Variants in ABCA7 observed in about 807,000 individuals in gnomAD.
The protein encoded by ABCA7 is phospholipid-transporting ATPase ABCA7.
In ABCA7, 261 loss-of-function variants were observed where a neutral mutation model predicts 227.6. The observed-to-expected ratio is 1.15, with a 90% CI of 1.04 to 1.27. The LOEUF is 1.27. ABCA7 is among the 50% of genes most tolerant of loss of function. The pLI, the probability that ABCA7 is intolerant of heterozygous loss-of-function variation, is 0.00. For synonymous variants in ABCA7, 1,488 were observed against 1,279.7 expected (o/e 1.16, Z -3.47); for missense variants, 3,331 against 2,924.5 (o/e 1.14, Z -3.21).
intron 21 of ABCA7, 126 bp from the exon 22 acceptor site, chr19:1,051,816 G>A: frequency 3.7e-6 from 5 of 1,334,678 alleles, no homozygotes; most frequent in Non-Finnish European, 5.1e-6. Flanking sequence ...AGGAGGTTCT[G>A]GGGATGAGGT....
In ABCA7 at chr19:1,041,324, T is replaced by C. The variant is rs2040010486; in HGVS notation, c.-38T>C. The C allele has an allele frequency of 1.9e-6, 3 of 1,610,888 alleles. No homozygotes were observed. Among genetic ancestry groups the C allele is most frequent in the Admixed American group, 1.7e-5 (1 of 59,996 alleles). On this transcript the variant is annotated 5_prime_UTR_variant, in exon 2 of 47. Coordinates refer to ENST00000263094, the MANE Select transcript of ABCA7 (RefSeq NM_019112.4). ...CCGCACGTCTTCAGCCCGACCGTTG[T>C]CCTGACCTCTCTGTCCCGTCCCCTG... is the stretch of plus-strand genomic sequence containing the variant.
chr19:1,055,831 CTG>C (rs2042203331), intron 30 of ABCA7, 74 bp from the exon 31 acceptor site: 3 of 1,428,692 alleles, frequency 2.1e-6, no homozygotes, highest in East Asian at 2.4e-5. Flanking sequence ...ACCCTTGACT[CTG>C]TGCTCCCCTC....
chr19:1,062,991 C>T (rs1398767622), intron 42 of ABCA7, among the ~76,000 whole-genome samples: 3 of 119,530 alleles, frequency 2.5e-5, no homozygotes, highest in Non-Finnish European at 5.4e-5. Context: ...ACCATGGCCC[C>T]GCCCCATACT....
Position 1,054,154 on chromosome 19 carries a change from C to A in ABCA7, c.3578-39C>A, listed in dbSNP as rs1340823555. ...CCCTGGGGTCCTCCCAGCCACCCCC[C>A]CACAGCAGCGTGAGCACTGACCCTC... On this transcript the variant is annotated intron_variant, in intron 26 of 46. Coordinates refer to ENST00000263094, the MANE Select transcript of ABCA7 (RefSeq NM_019112.4). The surrounding 1 kb of genome is among the most constrained non-coding windows in gnomAD (Gnocchi z 4.8). The A allele has an allele frequency of 3.7e-6, 6 of 1,612,322 alleles. No individual in the cohort carries two copies. Among genetic ancestry groups the A allele is most frequent in the East Asian group, 2.2e-5 (1 of 44,854 alleles).
At chr19:1,063,936 G>T in intron 44 of ABCA7, 73 bp downstream of exon 44, 1 of 1,455,550 alleles carries the variant, frequency 6.9e-7, no homozygotes, top group Non-Finnish European at 9.1e-7. Flanking sequence ...CAAAGCACAA[G>T]GCCACAGGGG....
intron 3 of ABCA7, 87 bp from the exon 4 acceptor site, chr19:1,041,744 G>A: frequency 6.3e-7 from 1 of 1,586,238 alleles, no homozygotes; most frequent in Non-Finnish European, 8.5e-7. Context: ...CTCCATCGCT[G>A]GAGGCATGCA....
Position 1,043,065 on chromosome 19 carries a change from G to C in ABCA7, c.604G>C (p.Glu202Gln), listed in dbSNP as rs775743568. The C allele has an allele frequency of 6.2e-7, 1 of 1,608,094 alleles. No homozygotes were observed. Among genetic ancestry groups the C allele is most frequent in the Non-Finnish European group, 8.5e-7 (1 of 1,176,318 alleles). The change falls in exon 8 of 47, where the codon GAG (glutamate) becomes CAG (glutamine). Residue 202 changes from glutamate to glutamine, a missense_variant. Physicochemically the swap from Glu to Gln is conservative, Grantham distance 29. Coordinates refer to ENST00000263094, the MANE Select transcript of ABCA7 (RefSeq NM_019112.4). ...QELLALRSLV[E>Q]LRALLQRPRG... ...GCTCCTGGCGCTGCGCAGCCTGGTG[G>C]AGCTTCGGGCACTGCTGCAGAGACC...
At chr19:1,044,901 A>T in intron 11 of ABCA7, 101 bp from the exon 12 acceptor site, 1 of 1,514,992 alleles carries the variant, frequency 6.6e-7, no homozygotes, top group Non-Finnish European at 8.9e-7. Context: ...TGGGCCTACG[A>T]GGGGAAAACA....
At chr19:1,057,179 G>A (rs569912857) in intron 34 of ABCA7, 95 bp downstream of exon 34, 1 of 1,553,476 alleles carries the variant, frequency 6.4e-7, no homozygotes, top group African/African-American at 1.3e-5. Context: ...AGATGGCCTG[G>A]GTAAAGTCTT....
chr19:1,041,943 C>A lies in ABCA7; in HGVS notation c.273C>A (p.Pro91=). 6.3e-7 allele frequency: 1 copy of A among 1,589,838 alleles called. No homozygotes were observed. Among genetic ancestry groups the A allele is most frequent in the Non-Finnish European group, 8.5e-7 (1 of 1,173,846 alleles). The change falls in exon 4 of 47, where the codon CCC becomes CCA. Residue 91 remains proline (P), a synonymous_variant. Transcript: ENST00000263094. ...CFPQLTPGEE[P]GRLSNFNDSL... ...CGCAGCTGACACCGGGCGAGGAGCC[C>A]GGGCGCCTGAGCAACTTCAACGACT... is the stretch of plus-strand genomic sequence containing the variant.
At chr19:1,045,726 C>T (rs958356598) in intron 12 of ABCA7, 53 of 157,560 alleles carry the variant, frequency 3.4e-4, no homozygotes, top group Non-Finnish European at 1.1e-4. Flanking sequence ...TGAGGCCGGG[C>T]ACAGTGGCTC....
chr19:1,055,969 G>GCC, intron 31 of ABCA7, 30 bp downstream of exon 31: 2 of 1,574,522 alleles, frequency 1.3e-6, no homozygotes, highest in Non-Finnish European at 1.7e-6. Context: ...GGGGTCCCCT[G>GCC]CCCCAGTTCC....
chr19:1,065,210 T>G (rs2042969367), intron 46 of ABCA7, 39 bp downstream of exon 46: 1 of 1,599,108 alleles, frequency 6.3e-7, no homozygotes, highest in Non-Finnish European at 8.5e-7. Context: ...GGAGGCAGGC[T>G]GGGGGCCAGG....
rs777968338 is a variant in ABCA7, at chr19:1,065,129, C to G, written c.6243C>G (p.His2081Gln). 1.3e-6 allele frequency: 2 copies of G among 1,590,912 alleles called. No individual in the cohort carries two copies. The highest frequency in any genetic ancestry group is 2.7e-5 in the African/African-American group (2 of 74,408). ...AGCTGGCGGTGCACGGCGCAGAGCA[C>G]GGCGTGGAGGACTTTTCCGTGAGCC... ...FGELAVHGAE[H>Q]GVEDFSVSQT... The change falls in exon 46 of 47, where the codon CAC (histidine) becomes CAG (glutamine). Residue 2081 changes from histidine to glutamine, a missense_variant. Transcript: ENST00000263094.
rs1360538727 is a variant in ABCA7 at position 1,058,908 on chromosome 19, G to A, written c.5368G>A (p.Gly1790Arg). 6.3e-7 allele frequency: 1 copy of A among 1,594,164 alleles called. No homozygotes were observed. Among genetic ancestry groups the A allele is most frequent in the South Asian group, 1.1e-5 (1 of 88,740 alleles). ...GCGGGTGGTCCAAGGAGCCACCCAGGGGGATGTGTTGGTGCTGAGGAACTT... is the reference window on the plus strand; with the variant it reads ...GCGGGTGGTCCAAGGAGCCACCCAGAGGGATGTGTTGGTGCTGAGGAACTT... ...RERVVQGATQ[G>R]DVLVLRNLTK... The change falls in exon 39 of 47, where the codon GGG becomes AGG. Residue 1790 changes from glycine to arginine, a missense_variant. Gly to Arg is a moderately radical substitution (Grantham distance 125). Coordinates refer to ENST00000263094, the MANE Select transcript of ABCA7 (RefSeq NM_019112.4).
intron 18 of ABCA7, 96 bp from the exon 19 acceptor site, chr19:1,050,825 T>TAAA (rs1381803314): frequency 6.7e-6 from 5 of 743,158 alleles, no homozygotes; most frequent in African/African-American, 2.2e-5. Context: ...TAATAAATAA[T>TAAA]TAAAAATTTT....
In ABCA7 at chr19:1,051,524, C is replaced by T. The variant is rs199849934; in HGVS notation, c.2900C>T (p.Thr967Met). 9.4e-5 allele frequency: 152 copies of T among 1,612,692 alleles called. 1 individual carries two copies. Among genetic ancestry groups the T allele is most frequent in the East Asian group, 6.2e-4 (28 of 44,882 alleles). ...GSQVVILDEP[T>M]AGVDPASRRG... ...CAAGTTGTTATCCTGGACGAGCCTACGGCTGGCGTGGATCCTGCTTCCCGC... is the reference window on the plus strand; with the variant it reads ...CAAGTTGTTATCCTGGACGAGCCTATGGCTGGCGTGGATCCTGCTTCCCGC... Residue 967 changes from threonine (T) to methionine (M), a missense_variant, in exon 21 of 47, where the codon ACG (threonine) becomes ATG (methionine). Coordinates refer to ENST00000263094, the MANE Select transcript of ABCA7 (RefSeq NM_019112.4).
At position 1,047,442 on chromosome 19, in the gene ABCA7, C is replaced by G; in HGVS notation, c.2068-11C>G. 6.5e-7 allele frequency: 1 copy of G among 1,540,120 alleles called. No individual in the cohort carries two copies. Among genetic ancestry groups the G allele is most frequent in the Non-Finnish European group, 8.7e-7 (1 of 1,145,736 alleles). ...GCTTCGGCCGCTCACTGACCGCCCG[C>G]TTTTCCGCAGAGCCTGCTGTCGCCC... On this transcript the variant is annotated splice_polypyrimidine_tract_variant and intron_variant, in intron 15 of 46. Coordinates refer to ENST00000263094, the MANE Select transcript of ABCA7 (RefSeq NM_019112.4).
In ABCA7 at chr19:1,047,443, T is replaced by C; in HGVS notation, c.2068-10T>C. The C allele has an allele frequency of 6.5e-7, 1 of 1,540,022 alleles. No homozygotes were observed. Among genetic ancestry groups the C allele is most frequent in the Non-Finnish European group, 8.7e-7 (1 of 1,145,596 alleles). On this transcript the variant is annotated splice_polypyrimidine_tract_variant and intron_variant, in intron 15 of 46. Coordinates refer to ENST00000263094, the MANE Select transcript of ABCA7 (RefSeq NM_019112.4). ...CTTCGGCCGCTCACTGACCGCCCGCTTTTCCGCAGAGCCTGCTGTCGCCCG... is the reference window on the plus strand; with the variant it reads ...CTTCGGCCGCTCACTGACCGCCCGCCTTTCCGCAGAGCCTGCTGTCGCCCG...
Sources: allele counts gnomAD v4.1 joint callset (sites outside exome capture counted in the v4.1 genomes callset), GRCh38; gene constraint gnomAD v4.1.1; non-coding constraint Gnocchi (gnomAD v3.1); transcripts MANE v1.5; gene names NCBI Gene and HGNC (gene_info 2026-07-23, HGNC 2026-07-21).